PLEKHG5: variants seen among roughly 807,000 people sequenced by gnomAD.
PLEKHG5 encodes the protein pleckstrin homology and RhoGEF domain containing G5.
Under a neutral mutation model 103.8 loss-of-function variants are expected in PLEKHG5, and 52 were observed. That is an observed-to-expected ratio of 0.50 (90% CI 0.40 to 0.63). The LOEUF is 0.63. Among genes scored for constraint, PLEKHG5 ranks in the 30% least tolerant of loss-of-function variants. The probability of loss-of-function intolerance (pLI) is 0.00; values close to 1 mark genes in which losing one functional copy is unlikely to be tolerated. For missense variants in PLEKHG5, 1,205 were observed against 1,347.6 expected, an observed-to-expected ratio of 0.89 and a Z score of 1.66; for synonymous variants, 592 against 575.5, an observed-to-expected ratio of 1.03 and a Z score of -0.41.
upstream of PLEKHG5, among the ~76,000 whole-genome samples, chr1:6,500,393 C>T (rs1291446133): frequency 6.6e-6 from 1 of 152,098 alleles, no homozygotes; most frequent in Non-Finnish European, 1.5e-5. Context: ...GGGCGGCCTC[C>T]TCTGCCTGCC....
At chr1:6,484,245 C>T (rs1047268618) in intron 1 of PLEKHG5, among the ~76,000 whole-genome samples, 1 of 152,202 alleles carries the variant, frequency 6.6e-6, no homozygotes. Context: ...CCCTTGAAAG[C>T]CTCGAGATCA....
At chr1:6,506,981 T>C (rs1569996984) in intron 1 of PLEKHG5, among the ~76,000 whole-genome samples, 1 of 152,118 alleles carries the variant, frequency 6.6e-6, no homozygotes, top group Admixed American at 6.5e-5. Flanking sequence ...CGGGTGGAGC[T>C]GGAGGAAGTC....
intron 2 of PLEKHG5, among the ~76,000 whole-genome samples, chr1:6,476,700 T>C (rs1425685857): frequency 6.6e-6 from 1 of 152,196 alleles, no homozygotes; most frequent in East Asian, 1.9e-4. Flanking sequence ...CCCTCCCCCA[T>C]GCTGTGACCA....
intron 1 of PLEKHG5, among the ~76,000 whole-genome samples, chr1:6,479,771 C>A (rs989745051): frequency 2.6e-5 from 4 of 152,130 alleles, no homozygotes; most frequent in Non-Finnish European, 1.5e-5. Flanking sequence ...GCCACTACGC[C>A]CAACTAACTT....
At position 6,490,380 on chromosome 1, in the gene PLEKHG5, G is replaced by C. The variant is rs1645126803; in HGVS notation, c.-88+1257C>G. 1 of 891,944 alleles carries C rather than the reference G, an allele frequency of 1.1e-6. No homozygotes were observed. Among genetic ancestry groups the C allele is most frequent in the African/African-American group, 1.8e-5 (1 of 54,748 alleles). 55.3% of individuals were successfully genotyped at this position (891,944 alleles called of 1,614,324 possible). A position where few individuals can be genotyped will look rare whatever the true frequency, so the allele number is the denominator to read the frequency against. On this transcript the variant is annotated intron_variant, in intron 1 of 20. Coordinates refer to ENST00000377728, the MANE Select transcript of PLEKHG5 (RefSeq NM_020631.6). The surrounding 1 kb of genome is among the most constrained non-coding windows in gnomAD (Gnocchi z 8.0). ...AATCCGGGTTCTGTCCATCGGTTTA[G>C]GGGGGTCCTGGCGCCTAGTCCCACC...
intron 1 of PLEKHG5, among the ~76,000 whole-genome samples, chr1:6,488,206 T>C (rs539214135): frequency 6.6e-6 from 1 of 152,196 alleles, no homozygotes; most frequent in Non-Finnish European, 1.5e-5. Context: ...TTCCAGGCAG[T>C]GAATCCCATT....
chr1:6,473,937 T>C (rs1373918365), intron 7 of PLEKHG5, 76 bp downstream of exon 7: 2 of 1,399,124 alleles, frequency 1.4e-6, no homozygotes, highest in Admixed American at 4.1e-5. Context: ...CCAGGGTGAC[T>C]GCCTCTGAGG....
chr1:6,518,436 T>G (rs1487189551), intron 1 of PLEKHG5, among the ~76,000 whole-genome samples: 1 of 150,686 alleles, frequency 6.6e-6, no homozygotes, highest in African/African-American at 2.4e-5. Flanking sequence ...GGCGCATGCC[T>G]GTAATCCCAG....
rs560431680 is a variant in PLEKHG5, at chr1:6,508,511, C to T, written c.-165+10934G>A. ...GGGAGGCCCCCCCAGGCCAGTGAAGCGGACCCCCACAGTGCTCGAGGGTGC... is the reference window on the plus strand; with the variant it reads ...GGGAGGCCCCCCCAGGCCAGTGAAGTGGACCCCCACAGTGCTCGAGGGTGC... On this transcript the variant is annotated intron_variant, in intron 1 of 21. Coordinates refer to the PLEKHG5 transcript ENST00000377740. Among the ~76,000 whole-genome samples, 12 of 152,332 alleles carry T rather than the reference C, an allele frequency of 7.9e-5. No homozygotes were observed. In the East Asian group the frequency reaches 1.9e-3, roughly 25 times the overall value.
In PLEKHG5 at chr1:6,469,543, C is replaced by G. The variant is rs778852545; in HGVS notation, c.1933+1G>C. On this transcript the variant is annotated splice_donor_variant, in intron 17 of 20. Coordinates refer to ENST00000377728, the MANE Select transcript of PLEKHG5 (RefSeq NM_020631.6). LOFTEE classifies it high-confidence loss of function. ...AGGAACAGGGGACCAGGGCTCCTTA[C>G]CAGGGTCCCGTAGCTCCCGGCACAC... The G allele has an allele frequency of 6.2e-7, 1 of 1,613,856 alleles. No individual in the cohort carries two copies. The highest frequency in any genetic ancestry group is 1.1e-5 in the South Asian group (1 of 91,076).
chr1:6,481,550 A>T (rs950189626), intron 1 of PLEKHG5, among the ~76,000 whole-genome samples: 11 of 100,854 alleles, frequency 1.1e-4, no homozygotes, highest in African/African-American at 1.9e-4. Context: ...TAAATAAATA[A>T]ATAAATAAAT....
At chr1:6,507,374 A>C (rs1055617522) in intron 1 of PLEKHG5, among the ~76,000 whole-genome samples, 8 of 152,130 alleles carry the variant, frequency 5.3e-5, no homozygotes, top group African/African-American at 1.9e-4. Flanking sequence ...GGTGGGGGTG[A>C]TCAGAGGGCC....
In PLEKHG5 at chr1:6,505,164, G is replaced by A. The variant is rs1248046513; in HGVS notation, c.-164-8595C>T. Among the ~76,000 whole-genome samples, 4 of 152,208 alleles carry A rather than the reference G, an allele frequency of 2.6e-5. No individual in the cohort carries two copies. The highest frequency in any genetic ancestry group is 1.9e-4 in the East Asian group (1 of 5,178). On this transcript the variant is annotated intron_variant, in intron 1 of 21. Coordinates refer to the PLEKHG5 transcript ENST00000377740. The surrounding 1 kb of genome is among the most constrained non-coding windows in gnomAD (Gnocchi z 4.2). ...GCTGGGAGCTGGAGATCAGCGCTCC[G>A]GTAGCTTCTGCGGACCGGACTCAAG...
chr1:6,484,087 C>T (rs1644965536), intron 1 of PLEKHG5, among the ~76,000 whole-genome samples: 1 of 152,210 alleles, frequency 6.6e-6, no homozygotes, highest in South Asian at 2.1e-4. Flanking sequence ...TGGGACCCTT[C>T]CAGTCCAAGT....
At chr1:6,469,910 G>A (rs1024720018) in intron 16 of PLEKHG5, among the ~76,000 whole-genome samples, 2 of 152,374 alleles carry the variant, frequency 1.3e-5, no homozygotes, top group East Asian at 1.9e-4. Flanking sequence ...TGAAGTCACC[G>A]TGTGCAAGCT....
chr1:6,468,748 T>G (rs1422830108), intron 19 of PLEKHG5, among the ~76,000 whole-genome samples, 162 bp from the exon 20 acceptor site: 1 of 152,126 alleles, frequency 6.6e-6, no homozygotes, highest in Non-Finnish European at 1.5e-5. Context: ...CCAGCTCCAG[T>G]GCCCACAACA....
chr1:6,494,078 A>C (rs941041130), upstream of PLEKHG5, among the ~76,000 whole-genome samples: 4 of 141,044 alleles, frequency 2.8e-5, no homozygotes, highest in African/African-American at 1.1e-4. Flanking sequence ...CACCCTCCCC[A>C]GTAGCTGGAA....
chr1:6,470,904 G>GAT lies in PLEKHG5; in HGVS notation c.1393-21_1393-20insAT, dbSNP rs1221164666. 26 of 1,353,530 alleles carry GAT rather than the reference G, an allele frequency of 1.9e-5. No homozygotes were observed. Among genetic ancestry groups the GAT allele is most frequent in the Non-Finnish European group, 2.5e-5 (26 of 1,038,834 alleles). 83.8% of individuals were successfully genotyped at this position (1,353,530 alleles called of 1,614,324 possible). ...CGCCCACTGCGGTGGGGGAGTGGGG[G>GAT]CGGGCTCAGGGCAGGCCCCGCCCCA... On this transcript the variant is annotated intron_variant, in intron 13 of 20. Transcript: ENST00000377728.
Position 6,490,640 on chromosome 1 carries a change from G to A in PLEKHG5, c.-88+997C>T. 4 of 981,912 alleles carry A rather than the reference G, an allele frequency of 4.1e-6. No homozygotes were observed. The highest frequency in any genetic ancestry group is 1.7e-5 in the African/African-American group (1 of 57,280). The allele number at this position is 981,912 out of a possible 1,614,324, so 60.8% of individuals were successfully genotyped here. A position where few individuals can be genotyped will look rare whatever the true frequency, so the allele number is the denominator to read the frequency against. The stretch of plus-strand genomic sequence containing the variant: ...GCGGGCGCTACCACCTGGACCGGCC[G>A]GGATGTACCAACGGCGCCGCCCGGC... On this transcript the variant is annotated intron_variant, in intron 1 of 20. Coordinates refer to ENST00000377728, the MANE Select transcript of PLEKHG5 (RefSeq NM_020631.6). The surrounding 1 kb of genome is among the most constrained non-coding windows in gnomAD (Gnocchi z 8.0).
Sources: gnomAD v4.1 joint callset for allele counts (sites outside exome capture counted in the v4.1 genomes callset) on GRCh38, gnomAD v4.1.1 for gene constraint, Gnocchi (gnomAD v3.1) non-coding constraint, MANE v1.5 for transcripts, NCBI Gene and HGNC (gene_info 2026-07-23, HGNC 2026-07-21) for gene names.